The following IDO2 variants were observed in gnomAD, a reference collection of about 807,000 sequenced individuals.
IDO2 encodes indoleamine 2,3-dioxygenase 2.
In IDO2, 46 loss-of-function variants were observed where a neutral mutation model predicts 45.1. That is an observed-to-expected ratio of 1.02 (90% CI 0.80 to 1.30). The LOEUF (loss-of-function observed/expected upper bound fraction) is 1.30. Among genes scored for constraint, IDO2 ranks in the 50% most tolerant of loss-of-function variants. IDO2 has a pLI of 0.00. For synonymous variants in IDO2, 218 were observed against 184.9 expected, an observed-to-expected ratio of 1.18 and a Z score of -1.45; for missense variants, 544 against 491.8, an observed-to-expected ratio of 1.11 and a Z score of -1.00.
intron 7 of IDO2, among the ~76,000 whole-genome samples, chr8:39,988,998 C>T (rs752690184): frequency 6.6e-6 from 1 of 152,000 alleles, no homozygotes; most frequent in Non-Finnish European, 1.5e-5. Context: ...GTGTATTAGT[C>T]CATTTTCACA....
At chr8:39,954,803 G>A (rs867390181) in intron 2 of IDO2, among the ~76,000 whole-genome samples, 26 of 151,424 alleles carry the variant, frequency 1.7e-4, no homozygotes, top group Admixed American at 5.9e-4. Context: ...TTACAGGTGC[G>A]CACCACAAAG....
At chr8:39,957,429 T>C (rs1807921751) in intron 2 of IDO2, among the ~76,000 whole-genome samples, 2 of 152,072 alleles carry the variant, frequency 1.3e-5, no homozygotes, top group East Asian at 1.9e-4. Flanking sequence ...CTGGGCAACA[T>C]AGCGAGACCC....
In IDO2 at chr8:39,935,054, T is replaced by G. The variant is rs1807525026; in HGVS notation, c.-182T>G. 3 of 828,216 alleles carry G rather than the reference T, an allele frequency of 3.6e-6. No homozygotes were observed. Among genetic ancestry groups the G allele is most frequent in the Non-Finnish European group, 6.4e-6 (3 of 469,084 alleles). The allele number at this position is 828,216 out of a possible 1,614,324, so 51.3% of individuals were successfully genotyped here. On this transcript the variant is annotated 5_prime_UTR_variant, in exon 1 of 11. It introduces an in-frame stop codon into an upstream open reading frame of the 5' UTR. Coordinates refer to ENST00000502986, the Ensembl canonical transcript of IDO2. The stretch of plus-strand genomic sequence containing the variant: ...AACATCCTCCTACACTGGAGCTTTA[T>G]AAATATTTTAAAGACAAGGATTGGA...
intron 3 of IDO2, among the ~76,000 whole-genome samples, chr8:39,976,927 T>C (rs1808268261): frequency 1.3e-5 from 2 of 152,224 alleles, no homozygotes; most frequent in Non-Finnish European, 2.9e-5. Context: ...TCAAAGTCAT[T>C]TACAATTCAG....
intron 1 of IDO2, among the ~76,000 whole-genome samples, chr8:39,946,469 T>C (rs1438952714): frequency 6.6e-6 from 1 of 152,254 alleles, no homozygotes; most frequent in Non-Finnish European, 1.5e-5. Flanking sequence ...TAGCTGGGCA[T>C]GGTGGCACGC....
chr8:40,010,175 T>G (rs1482372548), intron 9 of IDO2, among the ~76,000 whole-genome samples: 1 of 152,146 alleles, frequency 6.6e-6, no homozygotes, highest in Non-Finnish European at 1.5e-5. Flanking sequence ...GTGGCCAAAT[T>G]TTCCTGTTTA....
At chr8:39,958,673 A>G (rs1353625890) in intron 2 of IDO2, among the ~76,000 whole-genome samples, 2 of 151,502 alleles carry the variant, frequency 1.3e-5, no homozygotes, top group Non-Finnish European at 2.9e-5. Context: ...CTCGTCTTGA[A>G]CCTCTGACCT....
intron 3 of IDO2, among the ~76,000 whole-genome samples, chr8:39,964,266 A>G (rs984757405): frequency 1.3e-5 from 2 of 152,232 alleles, no homozygotes; most frequent in South Asian, 2.1e-4. Context: ...AAAACCACAA[A>G]CACTTTTGTA....
chr8:39,975,307 C>T (rs1247270042), intron 3 of IDO2, among the ~76,000 whole-genome samples: 1 of 151,704 alleles, frequency 6.6e-6, no homozygotes, highest in Admixed American at 6.6e-5. Context: ...TACTTGATAT[C>T]CTTAAAACAG....
chr8:40,004,093 TA>T (rs1318927891), intron 8 of IDO2, among the ~76,000 whole-genome samples: 1 of 152,192 alleles, frequency 6.6e-6, no homozygotes, highest in African/African-American at 2.4e-5. Context: ...CAGCAAAAAG[TA>T]GTAGTGTCTT....
intron 2 of IDO2, among the ~76,000 whole-genome samples, chr8:39,958,845 C>G (rs192367527): frequency 6.6e-6 from 1 of 152,272 alleles, no homozygotes; most frequent in African/African-American, 2.4e-5. Context: ...ATTAATCTAA[C>G]AAAGAGTTTA....
At chr8:39,977,697 G>A (rs543865465) in intron 3 of IDO2, among the ~76,000 whole-genome samples, 5 of 152,260 alleles carry the variant, frequency 3.3e-5, no homozygotes, top group Non-Finnish European at 4.4e-5. Flanking sequence ...AAAACAAAAC[G>A]AAACAAAACA....
At chr8:39,954,649 CTTT>C (rs542016899) in intron 2 of IDO2, among the ~76,000 whole-genome samples, 2 of 84,714 alleles carry the variant, frequency 2.4e-5, no homozygotes, top group African/African-American at 4.6e-5. Flanking sequence ...GTCTCTCTCT[CTTT>C]TTTTTTTTTT....
At chr8:39,989,647 AG>A (rs1808471941) in intron 7 of IDO2, 73 bp from the exon 8 acceptor site, 20 of 1,029,404 alleles carry the variant, frequency 1.9e-5, no homozygotes, top group Non-Finnish European at 2.9e-5. Context: ...GGGTTCCAAC[AG>A]TATGAGGCTT....
intron 3 of IDO2, among the ~76,000 whole-genome samples, chr8:39,970,281 A>G (rs1370022799): frequency 2.0e-5 from 3 of 152,272 alleles, no homozygotes; most frequent in Non-Finnish European, 4.4e-5. Context: ...ACAACATAAA[A>G]GTGCAAGGTG....
intron 2 of IDO2, among the ~76,000 whole-genome samples, chr8:39,961,562 T>G (rs181496747): frequency 1.3e-5 from 2 of 152,208 alleles, no homozygotes; most frequent in African/African-American, 4.8e-5. Context: ...CCTTAGGTGA[T>G]CCGCCCTCCT....
At chr8:39,942,790 A>C (rs1285589514) in intron 1 of IDO2, among the ~76,000 whole-genome samples, 1 of 152,228 alleles carries the variant, frequency 6.6e-6, no homozygotes, top group Non-Finnish European at 1.5e-5. Flanking sequence ...TAATGAGAGC[A>C]TTGAACTGAA....
intron 4 of IDO2, among the ~76,000 whole-genome samples, chr8:39,982,203 CTATG>C (rs1475341084): frequency 1.3e-5 from 2 of 148,520 alleles, no homozygotes; most frequent in African/African-American, 2.5e-5. Context: ...TATCATCTAT[CTATG>C]TATCTATCAT....
At chr8:40,000,437 G>A (rs1002547087) in intron 8 of IDO2, among the ~76,000 whole-genome samples, 1 of 151,762 alleles carries the variant, frequency 6.6e-6, no homozygotes, top group African/African-American at 2.4e-5. Context: ...TTCCTAAACA[G>A]CATATTATCA....
Sources: allele counts gnomAD v4.1 joint callset (sites outside exome capture counted in the v4.1 genomes callset), GRCh38; gene constraint gnomAD v4.1.1; transcripts MANE v1.5; gene names NCBI Gene and HGNC (gene_info 2026-07-23, HGNC 2026-07-21).